Variants in USP34 observed in about 807,000 individuals in gnomAD.
USP34 encodes the protein ubiquitin specific peptidase 34.
A neutral mutation model predicts 460.3 loss-of-function variants in USP34; 70 were observed. The ratio of observed to expected loss-of-function variants is 0.15; its 90% confidence interval spans 0.13 to 0.19. The LOEUF (loss-of-function observed/expected upper bound fraction) is 0.19. Among genes scored for constraint, USP34 ranks in the 10% least tolerant of loss-of-function variants. The pLI is 1.00. For synonymous variants in USP34, 1,647 were observed against 1,405.3 expected (o/e 1.17, Z -3.85); for missense variants, 3,985 against 4,236.2 (o/e 0.94, Z 1.65).
At chr2:61,388,717 C>T (rs1693247018) in intron 5 of USP34, among the ~76,000 whole-genome samples, 1 of 151,910 alleles carries the variant, frequency 6.6e-6, no homozygotes, top group African/African-American at 2.4e-5. Context: ...GATCACGCCA[C>T]TGCACTCCAG....
intron 41 of USP34, among the ~76,000 whole-genome samples, chr2:61,275,284 TAATAAC>T (rs938311704): frequency 1.1e-4 from 16 of 151,912 alleles, no homozygotes; most frequent in Non-Finnish European, 2.1e-4. Context: ...GTCTCAAAGA[TAATAAC>T]AATAATATTT....
rs1689678479 is a variant in USP34, at chr2:61,285,994, C to G, written c.4750-1037G>C. Among the ~76,000 whole-genome samples, 3 of 152,158 alleles carry G rather than the reference C, an allele frequency of 2.0e-5. 1 individual carries two copies. The South Asian group carries it at 6.2e-4, about 31-fold the overall frequency. On this transcript the variant is annotated intron_variant, in intron 34 of 79. Transcript: ENST00000398571. ...GTTTCTGCACTGGGGCAGGCAGCCA[C>G]AGAAAACATGGTTAACACAAGTATA...
At chr2:61,375,126 G>A (rs1473847167) in intron 8 of USP34, among the ~76,000 whole-genome samples, 1 of 152,064 alleles carries the variant, frequency 6.6e-6, no homozygotes, top group African/African-American at 2.4e-5. Flanking sequence ...GAAACATTAT[G>A]GCAAATAACC....
chr2:61,378,709 C>A (rs975500546), intron 7 of USP34, among the ~76,000 whole-genome samples: 1 of 151,888 alleles, frequency 6.6e-6, no homozygotes. Flanking sequence ...AGCTCTGAGA[C>A]CAGCCTTACC....
intron 2 of USP34, among the ~76,000 whole-genome samples, chr2:61,419,281 A>G (rs1036472556): frequency 9.2e-5 from 14 of 151,998 alleles, no homozygotes; most frequent in Admixed American, 9.2e-4. Context: ...CAGCCTCTCA[A>G]AAGTGAGAGG....
In USP34 at chr2:61,187,767, A is replaced by G; in HGVS notation, c.*335T>C. 1 of 609,472 alleles carries G rather than the reference A, an allele frequency of 1.6e-6. No individual in the cohort carries two copies. The highest frequency in any genetic ancestry group is 2.2e-6 in the Non-Finnish European group (1 of 454,680). 37.8% of individuals were successfully genotyped at this position (609,472 alleles called of 1,614,324 possible). On this transcript the variant is annotated 3_prime_UTR_variant, in exon 80 of 80. Transcript: ENST00000398571. ...ACTGGCACAGAGGACACCATATCAT[A>G]CACAGTAAAAATGCTGTAAGTTTAA...
chr2:61,350,168 TAAAG>T (rs748480396), intron 12 of USP34, 88 bp downstream of exon 12: 25 of 1,343,948 alleles, frequency 1.9e-5, no homozygotes, highest in Non-Finnish European at 2.4e-5. Context: ...TATTTTAAAA[TAAAG>T]ATTGAACTGA....
intron 38 of USP34, among the ~76,000 whole-genome samples, chr2:61,280,763 A>G (rs536375429): frequency 7.9e-5 from 12 of 152,310 alleles, no homozygotes; most frequent in Admixed American, 1.3e-4. Context: ...GAAAACTGTG[A>G]CTTACTAGAG....
At chr2:61,442,810 G>A (rs1476544307) in intron 1 of USP34, among the ~76,000 whole-genome samples, 7 of 151,630 alleles carry the variant, frequency 4.6e-5, no homozygotes, top group East Asian at 3.9e-4. Context: ...GCATTCCCAC[G>A]ATTACAGCAC....
At chr2:61,309,574 T>G (rs1443501479) in intron 27 of USP34, among the ~76,000 whole-genome samples, 1 of 152,150 alleles carries the variant, frequency 6.6e-6, no homozygotes, top group African/African-American at 2.4e-5. Flanking sequence ...CTGGCCCAGA[T>G]TCTTATTTGT....
intron 53 of USP34, among the ~76,000 whole-genome samples, chr2:61,237,178 T>C (rs1688093118): frequency 1.3e-5 from 2 of 152,134 alleles, no homozygotes; most frequent in Non-Finnish European, 2.9e-5. Context: ...GGCTTCAGAG[T>C]TCTTGGGCAT....
At chr2:61,310,852 A>T (rs924213003) in intron 27 of USP34, among the ~76,000 whole-genome samples, 3 of 152,194 alleles carry the variant, frequency 2.0e-5, no homozygotes, top group Non-Finnish European at 2.9e-5. Flanking sequence ...GTATATGGAA[A>T]TTTAAAGTTA....
chr2:61,219,601 G>A (rs1250159502), intron 67 of USP34, among the ~76,000 whole-genome samples: 6 of 151,462 alleles, frequency 4.0e-5, no homozygotes, highest in Admixed American at 3.9e-4. Context: ...AATTCAACAG[G>A]CAGAGGTTGC....
intron 53 of USP34, among the ~76,000 whole-genome samples, chr2:61,239,057 G>A (rs28459663): frequency 0.17 from 26,173 of 151,482 alleles, 2,974 homozygotes; most frequent in African/African-American, 0.31. Context: ...AGGGTACCAC[G>A]AACTACACCC....
chr2:61,395,759 C>G (rs1310607707), intron 3 of USP34, among the ~76,000 whole-genome samples: 2 of 124,544 alleles, frequency 1.6e-5, no homozygotes, highest in East Asian at 2.3e-4. Context: ...GCACTCCCGC[C>G]TGGGCGACAG....
chr2:61,431,623 A>G (rs1386642307), intron 1 of USP34, among the ~76,000 whole-genome samples: 1 of 152,150 alleles, frequency 6.6e-6, no homozygotes, highest in East Asian at 1.9e-4. Flanking sequence ...TGGGAGGCCA[A>G]GTGGGTGGAA....
In USP34 at chr2:61,347,882, T is replaced by C. The variant is rs757184802; in HGVS notation, c.2273A>G (p.His758Arg). ...GAAGTAGGCTTACCCATCGTGGTGG[T>C]GGTGATGGTGGTGGTGGTGGTGGTG... ...QHHHHHHHHH[H>R]HHDGHMVDDM... is the part of the protein sequence containing the mutation. Residue 758 changes from histidine (H) to arginine (R), a missense_variant, in exon 15 of 80, where the codon CAC becomes CGC. Coordinates refer to ENST00000398571, the MANE Select transcript of USP34 (RefSeq NM_014709.4). The C allele has an allele frequency of 1.2e-6, 2 of 1,612,376 alleles. No individual in the cohort carries two copies. Among genetic ancestry groups the C allele is most frequent in the Non-Finnish European group, 1.7e-6 (2 of 1,178,776 alleles).
At chr2:61,202,081 C>A (rs774849768) in intron 75 of USP34, among the ~76,000 whole-genome samples, 1 of 152,190 alleles carries the variant, frequency 6.6e-6, no homozygotes, top group Non-Finnish European at 1.5e-5. Flanking sequence ...GCTTTCAAAT[C>A]TAAAAATGCT....
intron 8 of USP34, among the ~76,000 whole-genome samples, chr2:61,373,009 C>T (rs1450946139): frequency 6.6e-6 from 1 of 152,066 alleles, no homozygotes; most frequent in Non-Finnish European, 1.5e-5. Context: ...TAAGCATACA[C>T]AAGGGAACCA....
Sources: gnomAD v4.1 joint callset for allele counts (sites outside exome capture counted in the v4.1 genomes callset) on GRCh38, gnomAD v4.1.1 for gene constraint, MANE v1.5 for transcripts, NCBI Gene and HGNC (gene_info 2026-07-23, HGNC 2026-07-21) for gene names.